Variants in MASP2 observed in about 807,000 individuals in gnomAD.
MASP2 encodes mannan-binding lectin serine protease 2.
Under a neutral mutation model 57.1 loss-of-function variants are expected in MASP2, and 49 were observed. The ratio of observed to expected loss-of-function variants is 0.86; its 90% CI spans 0.68 to 1.09. The LOEUF (loss-of-function observed/expected upper bound fraction) is 1.09. Among genes scored for constraint, MASP2 ranks in the 50% least tolerant of loss-of-function variants. MASP2 has a pLI of 0.00. For missense variants in MASP2, 900 were observed against 874.8 expected, an observed-to-expected ratio of 1.03 and a Z score of -0.36; for synonymous variants, 379 against 340.8, an observed-to-expected ratio of 1.11 and a Z score of -1.24.
At chr1:11,038,140 T>A (rs553675214) in intron 6 of MASP2, among the ~76,000 whole-genome samples, 5 of 152,228 alleles carry the variant, frequency 3.3e-5, no homozygotes, top group Non-Finnish European at 5.9e-5. Context: ...AGAGTGTAAC[T>A]CCGAGGAAAA....
rs538181296 is a variant in MASP2 at position 11,027,025 on chromosome 1, C to T, written c.1921G>A (p.Asp641Asn). Residue 641 changes from aspartate (D) to asparagine (N), a missense_variant, in exon 11 of 11, where the codon GAT becomes AAT. Physicochemically the swap from Asp to Asn is conservative, Grantham distance 23. Coordinates refer to ENST00000400897, the MANE Select transcript of MASP2 (RefSeq NM_006610.4). ...GDSGGALVFLDSETERWFVGG... is the reference protein window; with the variant it reads ...GDSGGALVFLNSETERWFVGG... ...ACAAACCACCTCTCTGTTTCACTATCTAGAAACACCAGTGCCCCTCCGCTG... is the reference window on the plus strand; with the variant it reads ...ACAAACCACCTCTCTGTTTCACTATTTAGAAACACCAGTGCCCCTCCGCTG... 1.6e-4 allele frequency: 253 copies of T among 1,598,030 alleles called. 1 individual carries two copies. The South Asian group carries it at 2.8e-3, about 18-fold the overall frequency.
rs3737613 is a variant in MASP2, at chr1:11,046,782, C to G, written c.235-49G>C. ...AGTGAAGGCAAGACCCAGGCCTGATCTCCCTCCTGGCCAAGCCTGGCCCCT... is the reference window on the plus strand; with the variant it reads ...AGTGAAGGCAAGACCCAGGCCTGATGTCCCTCCTGGCCAAGCCTGGCCCCT... On this transcript the variant is annotated intron_variant, in intron 2 of 10. Transcript: ENST00000400897. 759 of 1,583,570 alleles carry G rather than the reference C, an allele frequency of 4.8e-4. 4 individuals are homozygous for G. The East Asian group carries it at 0.016, about 34-fold the overall frequency.
chr1:11,045,826 G>C (rs2100907094), intron 3 of MASP2: 1 of 498,212 alleles, frequency 2.0e-6, no homozygotes, highest in Admixed American at 3.3e-5. Context: ...CAAACCCAGG[G>C]GGCGGGGCTA....
intron 7 of MASP2, 122 bp downstream of exon 7, chr1:11,037,571 A>G (rs773486150): frequency 1.4e-5 from 9 of 622,862 alleles, no homozygotes; most frequent in African/African-American, 3.8e-5. Flanking sequence ...ATTTAAAGAT[A>G]GACAAAAGAA....
chr1:11,041,864 G>T (rs963663334), intron 6 of MASP2, among the ~76,000 whole-genome samples: 1 of 149,448 alleles, frequency 6.7e-6, no homozygotes, highest in African/African-American at 2.5e-5. Context: ...ATAGAAGGAT[G>T]GGTGGGTGGA....
intron 8 of MASP2, 67 bp from the exon 9 acceptor site, chr1:11,030,949 A>G: frequency 6.5e-7 from 1 of 1,541,160 alleles, no homozygotes; most frequent in East Asian, 2.3e-5. Flanking sequence ...AAAGGTCTGG[A>G]GAAGCACCTT....
Position 11,037,710 on chromosome 1 carries a change from C to T in MASP2, c.991G>A (p.Gly331Ser), listed in dbSNP as rs755760729. Residue 331 changes from glycine (G) to serine (S), a missense_variant, in exon 7 of 11, where the codon GGC becomes AGC. Transcript: ENST00000400897. ...KDSFSIFCET[G>S]YELLQGHLPL... ...TAACTCACTTGCAGAAGCTCATAGCCAGTCTCGCAAAAGATGGAGAAGCTG... is the reference window on the plus strand; with the variant it reads ...TAACTCACTTGCAGAAGCTCATAGCTAGTCTCGCAAAAGATGGAGAAGCTG... 1 of 1,610,598 alleles carries T rather than the reference C, an allele frequency of 6.2e-7. No homozygotes were observed. The highest frequency in any genetic ancestry group is 8.5e-7 in the Non-Finnish European group (1 of 1,178,638).
In MASP2 at chr1:11,030,898, G is replaced by A; in HGVS notation, c.1088-16C>T. 1 of 1,608,972 alleles carries A rather than the reference G, an allele frequency of 6.2e-7. No individual in the cohort carries two copies. The highest frequency in any genetic ancestry group is 8.5e-7 in the Non-Finnish European group (1 of 1,178,090). On this transcript the variant is annotated splice_polypyrimidine_tract_variant and intron_variant, in intron 8 of 10. Coordinates refer to ENST00000400897, the MANE Select transcript of MASP2 (RefSeq NM_006610.4). The stretch of plus-strand genomic sequence containing the variant: ...CAGTCAACAACTAAGAAAGAAGCAT[G>A]GGAGGGAGGAATCCATTGATCATTT...
chr1:11,046,633 C>G lies in MASP2; in HGVS notation c.335G>C (p.Ser112Thr). The change falls in exon 3 of 11, where the codon AGC becomes ACC. Residue 112 changes from serine to threonine, a missense_variant. Ser to Thr is a moderately conservative substitution (Grantham distance 58). Transcript: ENST00000400897. ...GKDTFYSLGS[S>T]LDITFRSDYS... ...GTCGGAGCGGAAGGTAATGTCCAGG[C>G]TGGAGCCCAGCGAGTAGAAAGTGTC... The G allele has an allele frequency of 1.9e-6, 3 of 1,613,690 alleles. No homozygotes were observed. Among genetic ancestry groups the G allele is most frequent in the Non-Finnish European group, 2.5e-6 (3 of 1,180,032 alleles).
intron 6 of MASP2, among the ~76,000 whole-genome samples, chr1:11,041,124 T>TGGAC (rs1400449902): frequency 3.4e-5 from 5 of 145,574 alleles, no homozygotes; most frequent in African/African-American, 1.3e-4. Context: ...GATGGATGGA[T>TGGAC]GGATGGATGG....
chr1:11,036,510 C>CAAAAAAAAAAAAAAAA (rs35642467), intron 7 of MASP2, among the ~76,000 whole-genome samples: 66 of 54,358 alleles, frequency 1.2e-3, no homozygotes, highest in South Asian at 2.7e-3. Context: ...GACTCCGTCT[C>CAAAAAAAAAAAAAAAA]AAAAAAAAAA....
Position 11,034,817 on chromosome 1 carries a change from C to T in MASP2, c.1087+11G>A. On this transcript the variant is annotated intron_variant, in intron 8 of 10. Coordinates refer to ENST00000400897, the MANE Select transcript of MASP2 (RefSeq NM_006610.4). The stretch of plus-strand genomic sequence containing the variant: ...GCGGTTATGGGGCCTGTAGTCACCA[C>T]ACGACCGTACTGCTGCACGCGGGCA... 1 of 1,603,282 alleles carries T rather than the reference C, an allele frequency of 6.2e-7. No individual in the cohort carries two copies.
At chr1:11,033,520 C>G (rs757752927) in intron 8 of MASP2, among the ~76,000 whole-genome samples, 16 of 151,792 alleles carry the variant, frequency 1.1e-4, no homozygotes, top group Non-Finnish European at 2.1e-4. Context: ...CGGTGTGTGC[C>G]TGTAGTCTCA....
At chr1:11,035,779 C>G (rs141949293) in intron 7 of MASP2, among the ~76,000 whole-genome samples, 1 of 151,500 alleles carries the variant, frequency 6.6e-6, no homozygotes, top group Non-Finnish European at 1.5e-5. Flanking sequence ...GCCTGTAGTC[C>G]CAGCTACTTG....
In MASP2 at chr1:11,030,748, C is replaced by A; in HGVS notation, c.1222G>T (p.Gly408Cys). Residue 408 changes from glycine (G) to cysteine (C), a missense_variant and splice_region_variant, in exon 9 of 11, where the codon GGT becomes TGT. Coordinates refer to ENST00000400897, the MANE Select transcript of MASP2 (RefSeq NM_006610.4). ...ETFYTMKVND[G>C]KYVCEADGFW... The stretch of plus-strand genomic sequence containing the variant: ...CCCCAACTTTGAAGAATTTGCATAC[C>A]ATCATTCACTTTCATTGTGTAGAAG... 7 of 1,598,998 alleles carry A rather than the reference C, an allele frequency of 4.4e-6. No individual in the cohort carries two copies. Among genetic ancestry groups the A allele is most frequent in the South Asian group, 1.1e-5 (1 of 88,058 alleles).
chr1:11,043,350 C>A lies in MASP2; in HGVS notation c.730G>T (p.Asp244Tyr). 6 of 1,606,346 alleles carry A rather than the reference C, an allele frequency of 3.7e-6. No homozygotes were observed. Among genetic ancestry groups the A allele is most frequent in the East Asian group, 2.2e-5 (1 of 44,788 alleles). Residue 244 changes from aspartate to tyrosine, a missense_variant, in exon 5 of 11, where the codon GAC becomes TAC. Asp to Tyr is a radical substitution (Grantham distance 160). Transcript: ENST00000400897. ...CCCAGGAGCCAGACCTTGAGAAAGT[C>A]GTAGGGACACAGGGTTTCAGGGTGT... Reference protein sequence around the residue: ...ETHPETLCPYDFLKIQTDREE... With the variant: ...ETHPETLCPYYFLKIQTDREE...
intron 5 of MASP2, 138 bp downstream of exon 5, chr1:11,043,201 A>T: frequency 1.0e-6 from 1 of 972,306 alleles, no homozygotes; most frequent in Non-Finnish European, 1.5e-6. Context: ...CCAGCCTTGG[A>T]CCTCCATAGA....
chr1:11,029,137 C>T (rs1269121747), intron 10 of MASP2, among the ~76,000 whole-genome samples: 24 of 149,004 alleles, frequency 1.6e-4, no homozygotes, highest in African/African-American at 5.6e-4. Context: ...GGACTACAGG[C>T]GCCTGCCACC....
At chr1:11,045,026 G>C in intron 4 of MASP2, 1 of 1,429,686 alleles carries the variant, frequency 7.0e-7, no homozygotes, top group Non-Finnish European at 9.8e-7. Flanking sequence ...CAGGGTCAGC[G>C]CCAGCAGGTG....
Sources: allele counts gnomAD v4.1 joint callset (sites outside exome capture counted in the v4.1 genomes callset), GRCh38; gene constraint gnomAD v4.1.1; transcripts MANE v1.5; gene names NCBI Gene and HGNC (gene_info 2026-07-23, HGNC 2026-07-21).